Variants in MEX3A observed in about 807,000 individuals in gnomAD.
The protein encoded by MEX3A is mex-3 RNA binding family member A, also known as RNA-binding protein MEX3A.
Under a neutral mutation model 30.0 loss-of-function variants are expected in MEX3A, and 4 were observed. That is an observed-to-expected ratio of 0.13 (90% CI 0.07 to 0.30). The LOEUF is 0.30. Among genes scored for constraint, MEX3A ranks in the 10% least tolerant of loss-of-function variants. MEX3A has a pLI of 1.00. For synonymous variants in MEX3A, 335 were observed against 327.6 expected, an observed-to-expected ratio of 1.02 and a Z score of -0.24; for missense variants, 555 against 736.7, an observed-to-expected ratio of 0.75 and a Z score of 2.86.
At position 156,076,673 on chromosome 1, in the gene MEX3A, C is replaced by T. The variant is rs1648071050; in HGVS notation, c.1464G>A (p.Leu488=). 1 of 1,613,914 alleles carries T rather than the reference C, an allele frequency of 6.2e-7. No individual in the cohort carries two copies. ...TAALVPCGHN[L]FCMECAVRIC... is the part of the protein sequence containing the mutation. ...TGCGTACTGCACACTCCATGCAGAA[C>T]AGGTTGTGTCCGCAGGGCACAAGGG... The change falls in exon 2 of 2, where the codon CTG becomes CTA. Residue 488 remains leucine, a synonymous_variant. Transcript: ENST00000532414. The surrounding 1 kb of genome is among the most constrained non-coding windows in gnomAD (Gnocchi z 6.0).
Position 156,077,059 on chromosome 1 carries a change from C to G in MEX3A, c.1078G>C (p.Gly360Arg). Residue 360 changes from glycine (G) to arginine (R), a missense_variant, in exon 2 of 2, where the codon GGC becomes CGC. Physicochemically the swap from Gly to Arg is moderately radical, Grantham distance 125 (BLOSUM62 -2). Transcript: ENST00000532414. The surrounding 1 kb of genome is among the most constrained non-coding windows in gnomAD (Gnocchi z 8.3). ...TACCCGCCGTAGCCAAAGTCCCCGC[C>G]CTGCTCACCCAGGCGTGGGGCCTCA... The part of the protein sequence containing the change: ...GFEAPRLGEQ[G>R]GDFGYGGYLF... The G allele has an allele frequency of 2.5e-6, 4 of 1,613,904 alleles. No homozygotes were observed. The South Asian group carries it at 3.3e-5, about 13-fold the overall frequency.
chr1:156,077,435 C>T lies in MEX3A; in HGVS notation c.702G>A (p.Val234=), dbSNP rs767121031. The change falls in exon 2 of 2, where the codon GTG becomes GTA. Residue 234 remains valine, a synonymous_variant. Transcript: ENST00000532414. The surrounding 1 kb of genome is among the most constrained non-coding windows in gnomAD (Gnocchi z 8.3). ...VTIRVRVPYR[V]VGLVVGPKGA... is the part of the protein sequence containing the mutation. ...CTTTGGGGCCCACCACCAGCCCCAC[C>T]ACGCGGTAGGGCACCCGCACACGGA... 4 of 1,613,754 alleles carry T rather than the reference C, an allele frequency of 2.5e-6. No individual in the cohort carries two copies. The highest frequency in any genetic ancestry group is 4.5e-5 in the East Asian group (2 of 44,862).
chr1:156,081,485 C>A (rs1205007377), intron 1 of MEX3A, 60 bp downstream of exon 1: 2 of 1,432,880 alleles, frequency 1.4e-6, no homozygotes, highest in Non-Finnish European at 1.9e-6. Context: ...GAACTTTCCG[C>A]GCTAGGGACG....
At position 156,081,798 on chromosome 1, in the gene MEX3A, G is replaced by T; in HGVS notation, c.201C>A (p.Gly67=). 2 of 1,094,550 alleles carry T rather than the reference G, an allele frequency of 1.8e-6. No individual in the cohort carries two copies. The highest frequency in any genetic ancestry group is 2.3e-6 in the Non-Finnish European group (2 of 868,614). The allele number at this position is 1,094,550 out of a possible 1,614,324, so 67.8% of individuals were successfully genotyped here. A position where few individuals can be genotyped will look rare whatever the true frequency, so the allele number is the denominator to read the frequency against. Residue 67 remains glycine (G), a synonymous_variant, in exon 1 of 2, where the codon GGC becomes GGA. Transcript: ENST00000532414. Reference sequence around the variant, plus strand: ...GGGCGGCCGGCTGCGCGGGGGCGCCGCCCCCCCCACCTCCCCCGTCCTCGC... The same window carrying T: ...GGGCGGCCGGCTGCGCGGGGGCGCCTCCCCCCCCACCTCCCCCGTCCTCGC... The part of the protein sequence containing the change: ...TAGEDGGGGG[G]GAPAQPAAPP...
At position 156,075,259 on chromosome 1, in the gene MEX3A, G is replaced by A. The variant is rs964135627; in HGVS notation, c.*1315C>T. ...TGCATGGAGGATTCAAGCTAATAAG[G>A]ATTCAAGCTAATAAGGATTCAATAA... is the stretch of plus-strand genomic sequence containing the variant. On this transcript the variant is annotated 3_prime_UTR_variant, in exon 2 of 2. Transcript: ENST00000532414. The A allele has an allele frequency of 3.9e-5, 6 of 152,292 alleles. No homozygotes were observed. Among genetic ancestry groups the A allele is most frequent in the Admixed American group, 3.9e-4 (6 of 15,262 alleles). The allele number at this position is 152,292 out of a possible 1,614,324, so 9.4% of individuals were successfully genotyped here.
At chr1:156,081,451 G>C (rs1648233522) in intron 1 of MEX3A, 94 bp downstream of exon 1, 1 of 1,111,340 alleles carries the variant, frequency 9.0e-7, no homozygotes, top group African/African-American at 1.6e-5. Context: ...GACAGAGCCG[G>C]AGGCGGGCAA....
chr1:156,076,884 G>A lies in MEX3A; in HGVS notation c.1253C>T (p.Ala418Val). 6.5e-7 allele frequency: 1 copy of A among 1,546,146 alleles called. No individual in the cohort carries two copies. Among genetic ancestry groups the A allele is most frequent in the South Asian group, 1.2e-5 (1 of 82,622 alleles). The change falls in exon 2 of 2, where the codon GCC becomes GTC. Residue 418 changes from alanine (A) to valine (V), a missense_variant. Physicochemically the swap from Ala to Val is moderately conservative, Grantham distance 64. This residue lies in a region of MEX3A where 281 missense variants were observed against 265.1 expected (regional missense o/e 1.06). Transcript: ENST00000532414. This position sits in a 1 kb window ranked among gnomAD's most constrained non-coding sequence, Gnocchi z 6.0. The part of the protein sequence containing the change: ...ASSSSSSSAK[A>V]RAGPPGAHRS... ...GTGTGCGCCCGGGGGCCCAGCGCGG[G>A]CCTTGGCGGAAGAGGAGGAGGAGGA...
chr1:156,079,333 C>T (rs1386206017), intron 1 of MEX3A, among the ~76,000 whole-genome samples: 1 of 152,070 alleles, frequency 6.6e-6, no homozygotes, highest in Non-Finnish European at 1.5e-5. Context: ...CCTGCCTCAG[C>T]CTCCCGAGTA....
rs766178346 is a variant in MEX3A, at chr1:156,076,532, TG to T, written c.*41del. Reference sequence around the variant, plus strand: ...GCTTTAGTGGAAAACAGGTCCAGGGTGGGCCCAGTGGAGTGGGCCCCGGAGG... The same window carrying T: ...GCTTTAGTGGAAAACAGGTCCAGGGTGGCCCAGTGGAGTGGGCCCCGGAGG... On this transcript the variant is annotated 3_prime_UTR_variant, in exon 2 of 2. Coordinates refer to ENST00000532414, the MANE Select transcript of MEX3A (RefSeq NM_001093725.2). This position sits in a 1 kb window ranked among gnomAD's most constrained non-coding sequence, Gnocchi z 6.0. 9 of 1,554,708 alleles carry T rather than the reference TG, an allele frequency of 5.8e-6. No homozygotes were observed. Among genetic ancestry groups the T allele is most frequent in the Non-Finnish European group, 6.1e-6 (7 of 1,141,478 alleles).
In MEX3A at chr1:156,073,981, C is replaced by T. The variant is rs1647987126; in HGVS notation, c.*2593G>A. ...GGAGGGGGAGAGGGGAGGAGGAGTC[C>T]ATGGAGTGAAATCCAATCTACTGGA... On this transcript the variant is annotated 3_prime_UTR_variant, in exon 2 of 2. Coordinates refer to ENST00000532414, the MANE Select transcript of MEX3A (RefSeq NM_001093725.2). 3 of 152,530 alleles carry T rather than the reference C, an allele frequency of 2.0e-5. No homozygotes were observed. Among genetic ancestry groups the T allele is most frequent in the South Asian group, 4.1e-4 (2 of 4,826 alleles). 9.4% of individuals were successfully genotyped at this position (152,530 alleles called of 1,614,324 possible). A position where few individuals can be genotyped will look rare whatever the true frequency, so the allele number is the denominator to read the frequency against.
chr1:156,078,657 G>A (rs923174573), intron 1 of MEX3A, among the ~76,000 whole-genome samples: 3 of 152,086 alleles, frequency 2.0e-5, no homozygotes, highest in Admixed American at 6.5e-5. Flanking sequence ...AAAAGCTGCC[G>A]ACCTGGGGGT....
At chr1:156,078,752 G>A (rs182924737) in intron 1 of MEX3A, among the ~76,000 whole-genome samples, 1 of 152,228 alleles carries the variant, frequency 6.6e-6, no homozygotes, top group Admixed American at 6.5e-5. Context: ...ATACCCTTTT[G>A]GGAAGCACAC....
chr1:156,077,462 G>A lies in MEX3A; in HGVS notation c.675C>T (p.Thr225=), dbSNP rs565272508. The A allele has an allele frequency of 3.7e-6, 6 of 1,613,536 alleles. No individual in the cohort carries two copies. The highest frequency in any genetic ancestry group is 3.3e-5 in the South Asian group (3 of 91,044). ...GVAPALPGQV[T]IRVRVPYRVV... The stretch of plus-strand genomic sequence containing the variant: ...CGCGGTAGGGCACCCGCACACGGAT[G>A]GTCACCTGGCCGGGCAGAGCAGGAG... The change falls in exon 2 of 2, where the codon ACC becomes ACT. Residue 225 remains threonine, a synonymous_variant. Transcript: ENST00000532414. The surrounding 1 kb of genome is among the most constrained non-coding windows in gnomAD (Gnocchi z 8.3).
At position 156,073,670 on chromosome 1, in the gene MEX3A, A is replaced by G. The variant is rs1303124164; in HGVS notation, c.*2904T>C. Reference sequence around the variant, plus strand: ...TGAATTATTATTATTAATAATTATTATTTTGTAGTATTCTTTTCTTTTAAA... The same window carrying G: ...TGAATTATTATTATTAATAATTATTGTTTTGTAGTATTCTTTTCTTTTAAA... On this transcript the variant is annotated 3_prime_UTR_variant, in exon 2 of 2. Transcript: ENST00000532414. 2 of 151,798 alleles carry G rather than the reference A, an allele frequency of 1.3e-5. No individual in the cohort carries two copies. The highest frequency in any genetic ancestry group is 4.8e-5 in the African/African-American group (2 of 41,332). 9.4% of individuals were successfully genotyped at this position (151,798 alleles called of 1,614,324 possible).
rs921475527 is a variant in MEX3A at position 156,076,726 on chromosome 1, C to T, written c.1411G>A (p.Val471Ile). ...GCAGTCACTTCGCTCTCAAAGCAGACCATGCAATCCCGCCCGCCGCCGGGG... is the reference window on the plus strand; with the variant it reads ...GCAGTCACTTCGCTCTCAAAGCAGATCATGCAATCCCGCCCGCCGCCGGGG... ...RSPGGGRDCM[V>I]CFESEVTAAL... The change falls in exon 2 of 2, where the codon GTC (valine) becomes ATC (isoleucine). Residue 471 changes from valine (V) to isoleucine (I), a missense_variant. Val to Ile is a conservative substitution (Grantham distance 29). Around this residue, in one of 6 missense-constraint regions of MEX3A, gnomAD observed 281 missense variants for 265.1 expected, o/e 1.06. Transcript: ENST00000532414. This position sits in a 1 kb window ranked among gnomAD's most constrained non-coding sequence, Gnocchi z 6.0. 1.1e-5 allele frequency: 18 copies of T among 1,612,094 alleles called. No homozygotes were observed. The highest frequency in any genetic ancestry group is 1.5e-5 in the Non-Finnish European group (18 of 1,179,178).
Position 156,081,654 on chromosome 1 carries a change from G to T in MEX3A, c.345C>A (p.Leu115=). 1 of 1,534,626 alleles carries T rather than the reference G, an allele frequency of 6.5e-7. No individual in the cohort carries two copies. The change falls in exon 1 of 2, where the codon CTC becomes CTA. Residue 115 remains leucine (L), a synonymous_variant. Coordinates refer to ENST00000532414, the MANE Select transcript of MEX3A (RefSeq NM_001093725.2). ...TAPKGASDAK[L]CALYKEAELR... ...GCTCGGCCTCTTTGTAGAGAGCGCA[G>T]AGCTTGGCGTCGCTCGCCCCTTTGG... is the stretch of plus-strand genomic sequence containing the variant.
At chr1:156,081,153 C>T (rs1429460926) in intron 1 of MEX3A, among the ~76,000 whole-genome samples, 1 of 152,172 alleles carries the variant, frequency 6.6e-6, no homozygotes, top group Non-Finnish European at 1.5e-5. Flanking sequence ...CCCAGGGATG[C>T]CCCCTCCCCA....
In MEX3A at chr1:156,072,922, C is replaced by T. The variant is rs1647954768; in HGVS notation, c.*3652G>A. The stretch of plus-strand genomic sequence containing the variant: ...TGCAAGTAGGTGAAGAACGAGTCAG[C>T]TTTAAAGAACAATTACTGAGATTGT... On this transcript the variant is annotated 3_prime_UTR_variant, in exon 2 of 2. Transcript: ENST00000532414. 1 of 152,364 alleles carries T rather than the reference C, an allele frequency of 6.6e-6. No homozygotes were observed. The highest frequency in any genetic ancestry group is 1.5e-5 in the Non-Finnish European group (1 of 68,044). 9.4% of individuals were successfully genotyped at this position (152,364 alleles called of 1,614,324 possible).
chr1:156,076,481 C>T lies in MEX3A; in HGVS notation c.*93G>A. The T allele has an allele frequency of 7.5e-7, 1 of 1,334,790 alleles. No homozygotes were observed. Among genetic ancestry groups the T allele is most frequent in the South Asian group, 1.5e-5 (1 of 68,664 alleles). The allele number at this position is 1,334,790 out of a possible 1,614,324, so 82.7% of individuals were successfully genotyped here. A position where few individuals can be genotyped will look rare whatever the true frequency, so the allele number is the denominator to read the frequency against. ...CGAGCGAGTATCTCTAAGCACCTTGCCCCTCAAATCACCGCTTTCCAAAAG... is the reference window on the plus strand; with the variant it reads ...CGAGCGAGTATCTCTAAGCACCTTGTCCCTCAAATCACCGCTTTCCAAAAG... On this transcript the variant is annotated 3_prime_UTR_variant, in exon 2 of 2. Coordinates refer to ENST00000532414, the MANE Select transcript of MEX3A (RefSeq NM_001093725.2). This position sits in a 1 kb window ranked among gnomAD's most constrained non-coding sequence, Gnocchi z 6.0.
Sources: gnomAD v4.1 joint callset for allele counts (sites outside exome capture counted in the v4.1 genomes callset) on GRCh38, gnomAD v4.1.1 for gene constraint, gnomAD v4.1.1 regional missense constraint, Gnocchi (gnomAD v3.1) non-coding constraint, MANE v1.5 for transcripts, NCBI Gene and HGNC (gene_info 2026-07-23, HGNC 2026-07-21) for gene names.